TRMT11: variants seen among roughly 807,000 people sequenced by gnomAD.
TRMT11 encodes tRNA methyltransferase 11.
Under a neutral mutation model 62.8 loss-of-function variants are expected in TRMT11, and 53 were observed. The observed-to-expected ratio is 0.84, with a 90% confidence interval of 0.68 to 1.06. TRMT11 has a LOEUF of 1.06. Ranked by LOEUF, TRMT11 falls within the 50% of genes least tolerant of loss-of-function variation. The probability of loss-of-function intolerance (pLI) is 0.00; values close to 1 mark genes in which losing one functional copy is unlikely to be tolerated. For missense variants in TRMT11, 556 were observed against 553.4 expected, an observed-to-expected ratio of 1.00 and a Z score of -0.05; for synonymous variants, 188 against 190.3, an observed-to-expected ratio of 0.99 and a Z score of 0.10.
rs149802004 is a variant in TRMT11, at chr6:125,993,980, G to A, written c.138+158G>A. On this transcript the variant is annotated intron_variant, in intron 2 of 12. Transcript: ENST00000334379. ...AGTGGATATTTTTGGAAAATTTGTG[G>A]TTTTGTTAAGTAATTTAGATTTATT... Among the ~76,000 whole-genome samples the A allele has an allele frequency of 1.8e-4, 28 of 152,184 alleles. No homozygotes were observed. In the East Asian group the frequency reaches 5.4e-3, roughly 29 times the overall value.
At chr6:126,192,879 C>T (rs1230427727) in intron 1 of TRMT11, among the ~76,000 whole-genome samples, 3 of 152,006 alleles carry the variant, frequency 2.0e-5, no homozygotes, top group Non-Finnish European at 4.4e-5. Flanking sequence ...GGTATATTGG[C>T]GTATAGTTTT....
intron 3 of TRMT11, among the ~76,000 whole-genome samples, chr6:126,200,507 C>G (rs1165099637): frequency 6.6e-6 from 1 of 152,166 alleles, no homozygotes; most frequent in East Asian, 1.9e-4. Flanking sequence ...TGATAAAATA[C>G]TAGTCTTTAG....
intron 17 of TRMT11, among the ~76,000 whole-genome samples, chr6:126,060,358 A>C (rs1173833883): frequency 6.6e-6 from 1 of 152,168 alleles, no homozygotes; most frequent in African/African-American, 2.4e-5. Flanking sequence ...AGAATCTGAC[A>C]TCCGCTGTTT....
intron 21 of TRMT11, among the ~76,000 whole-genome samples, chr6:126,130,223 T>C (rs1488782731): frequency 6.6e-6 from 1 of 152,036 alleles, no homozygotes; most frequent in South Asian, 2.1e-4. Context: ...GAGAAAGATA[T>C]GAAGAGAACA....
chr6:126,089,430 A>G (rs1777249536), intron 17 of TRMT11, among the ~76,000 whole-genome samples: 1 of 152,124 alleles, frequency 6.6e-6, no homozygotes. Context: ...ATGTTATTTA[A>G]TTATCAGACT....
intron 1 of TRMT11, among the ~76,000 whole-genome samples, chr6:126,178,086 A>G (rs1269591895): frequency 1.3e-5 from 2 of 152,232 alleles, no homozygotes; most frequent in Non-Finnish European, 2.9e-5. Context: ...TCTATGTTAA[A>G]AAATACATAA....
chr6:126,008,981 C>G (rs868713891), intron 8 of TRMT11, among the ~76,000 whole-genome samples: 2 of 151,668 alleles, frequency 1.3e-5, no homozygotes, highest in South Asian at 4.2e-4. Context: ...GAGTGATTTC[C>G]TGGGGGAACA....
At chr6:126,033,178 C>T (rs1205283665) in intron 12 of TRMT11, among the ~76,000 whole-genome samples, 1 of 152,100 alleles carries the variant, frequency 6.6e-6, no homozygotes, top group Non-Finnish European at 1.5e-5. Flanking sequence ...GTGGAATTCT[C>T]AATGAAGAAT....
intron 3 of TRMT11, among the ~76,000 whole-genome samples, chr6:126,200,332 G>A (rs1778720514): frequency 6.6e-6 from 1 of 152,162 alleles, no homozygotes; most frequent in Non-Finnish European, 1.5e-5. Flanking sequence ...TACATTGGGT[G>A]CAAGGCTATC....
At chr6:126,064,634 T>C in intron 17 of TRMT11, among the ~76,000 whole-genome samples, 1 of 151,308 alleles carries the variant, frequency 6.6e-6, no homozygotes, top group African/African-American at 2.5e-5. Context: ...TGACAATTTA[T>C]GGCAAGATAA....
chr6:126,168,806 C>T (rs1778297252), intron 21 of TRMT11, among the ~76,000 whole-genome samples: 1 of 152,176 alleles, frequency 6.6e-6, no homozygotes, highest in Admixed American at 6.5e-5. Flanking sequence ...TGCGAGCCAC[C>T]ATGCCCTGCC....
the TRMT11 span, among the ~76,000 whole-genome samples, chr6:126,210,110 C>T: frequency 6.6e-6 from 1 of 152,178 alleles, no homozygotes; most frequent in African/African-American, 2.4e-5. Flanking sequence ...GCAGATGTGA[C>T]TTAGGTCCCT....
intron 16 of TRMT11, among the ~76,000 whole-genome samples, chr6:126,046,704 G>A (rs1449395723): frequency 6.6e-6 from 1 of 152,128 alleles, no homozygotes; most frequent in Non-Finnish European, 1.5e-5. Context: ...GGGTCCACTC[G>A]GTTTCAACTG....
At chr6:126,042,419 T>C (rs1428736231), downstream of TRMT11, among the ~76,000 whole-genome samples, 1 of 152,164 alleles carries the variant, frequency 6.6e-6, no homozygotes, top group Non-Finnish European at 1.5e-5. Flanking sequence ...GGTTTAATTG[T>C]AATGGCAGTC....
chr6:126,251,916 G>T, the TRMT11 span, among the ~76,000 whole-genome samples: 5,530 of 152,262 alleles, frequency 0.036, 146 homozygotes, highest in Non-Finnish European at 0.054. Context: ...TCTTGAGAAA[G>T]ATTCAGAGAA....
At chr6:125,995,940 T>C in intron 2 of TRMT11, 27 bp from the exon 3 acceptor site, 1 of 1,436,670 alleles carries the variant, frequency 7.0e-7, no homozygotes, top group Non-Finnish European at 9.8e-7. Context: ...CACTTAGAAT[T>C]AAGTTGCATA....
In TRMT11 at chr6:126,016,544, C is replaced by A. The variant is rs538777442; in HGVS notation, c.1139+3443C>A. On this transcript the variant is annotated intron_variant, in intron 11 of 12. Coordinates refer to ENST00000334379, the MANE Select transcript of TRMT11 (RefSeq NM_001031712.3). Reference sequence around the variant, plus strand: ...TTTATAAAAAGTAATATTGGAGGTTCTTTAAACTGAATGTATTTCTAAAGA... The same window carrying A: ...TTTATAAAAAGTAATATTGGAGGTTATTTAAACTGAATGTATTTCTAAAGA... Among the ~76,000 whole-genome samples, 240 of 152,170 alleles carry A rather than the reference C, an allele frequency of 1.6e-3. 3 individuals are homozygous for A. The highest frequency in any genetic ancestry group is 5.2e-3 in the African/African-American group (214 of 41,534).
the TRMT11 span, among the ~76,000 whole-genome samples, chr6:126,257,691 A>T: frequency 7.2e-5 from 11 of 152,226 alleles, no homozygotes; most frequent in African/African-American, 2.4e-4. Context: ...CACCAAAGGC[A>T]TATCCTAGCT....
intron 1 of TRMT11, among the ~76,000 whole-genome samples, chr6:126,198,548 A>C (rs1007376841): frequency 3.9e-5 from 6 of 152,126 alleles, no homozygotes; most frequent in Non-Finnish European, 1.5e-5. Flanking sequence ...CACTACATTT[A>C]TTCTGTCTTT....
Sources: gnomAD v4.1 joint callset for allele counts (sites outside exome capture counted in the v4.1 genomes callset) on GRCh38, gnomAD v4.1.1 for gene constraint, MANE v1.5 for transcripts, NCBI Gene and HGNC (gene_info 2026-07-23, HGNC 2026-07-21) for gene names.